MMP20: variants seen among roughly 807,000 people sequenced by gnomAD.
MMP20 encodes the protein matrix metallopeptidase 20, also known as matrix metalloproteinase-20.
In MMP20, 50 loss-of-function variants were observed where a neutral mutation model predicts 51.8. The observed-to-expected ratio is 0.97, with a 90% confidence interval of 0.77 to 1.22. The LOEUF is 1.22. Among genes scored for constraint, MMP20 ranks in the 50% most tolerant of loss-of-function variants. The pLI is 0.00. For missense variants in MMP20, 663 were observed against 601.4 expected (o/e 1.10, Z -1.07); for synonymous variants, 244 against 216.2 (o/e 1.13, Z -1.13).
At chr11:102,614,264 A>G (rs1859639159) in intron 2 of MMP20, among the ~76,000 whole-genome samples, 1 of 152,138 alleles carries the variant, frequency 6.6e-6, no homozygotes, top group Non-Finnish European at 1.5e-5. Flanking sequence ...CCTCTGGGTT[A>G]TGTTGTAAGA....
chr11:102,594,205 G>T (rs371032064), intron 7 of MMP20, among the ~76,000 whole-genome samples: 1 of 152,182 alleles, frequency 6.6e-6, no homozygotes, highest in Admixed American at 6.5e-5. Context: ...AGTCAAAGGC[G>T]TCCTCCTCTC....
At chr11:102,598,057 T>G (rs565911324) in intron 6 of MMP20, among the ~76,000 whole-genome samples, 1 of 152,028 alleles carries the variant, frequency 6.6e-6, no homozygotes, top group Non-Finnish European at 1.5e-5. Flanking sequence ...GTAGACACCA[T>G]GCCTGGCCAA....
intron 6 of MMP20, among the ~76,000 whole-genome samples, chr11:102,602,197 T>C (rs1859457170): frequency 6.9e-6 from 1 of 145,538 alleles, no homozygotes; most frequent in Non-Finnish European, 1.5e-5. Flanking sequence ...CTCCATCTCC[T>C]GACCTTGTGA....
At chr11:102,620,896 G>T (rs1265358012) in intron 1 of MMP20, among the ~76,000 whole-genome samples, 2 of 152,208 alleles carry the variant, frequency 1.3e-5, no homozygotes, top group Admixed American at 1.3e-4. Context: ...AATCCTCAGG[G>T]AGGGGGTGAG....
intron 2 of MMP20, among the ~76,000 whole-genome samples, chr11:102,612,674 T>C (rs898754938): frequency 1.3e-5 from 2 of 151,868 alleles, no homozygotes; most frequent in Non-Finnish European, 2.9e-5. Flanking sequence ...CCCAGGGCTA[T>C]TGGGGAAGGT....
intron 3 of MMP20, 24 bp downstream of exon 3, chr11:102,611,731 G>A (rs773337932): frequency 8.1e-6 from 13 of 1,611,644 alleles, no homozygotes; most frequent in Non-Finnish European, 1.1e-5. Flanking sequence ...TGAATTAGTA[G>A]ATGGAATCCA....
chr11:102,594,782 A>G (rs750534566), intron 6 of MMP20, 25 bp from the exon 7 acceptor site: 22 of 1,610,972 alleles, frequency 1.4e-5, no homozygotes, highest in East Asian at 4.5e-5. Context: ...AAAAAAAAAA[A>G]AAAAAAAAAT....
chr11:102,591,989 C>T (rs1859322738), intron 8 of MMP20, among the ~76,000 whole-genome samples: 1 of 152,176 alleles, frequency 6.6e-6, no homozygotes. Flanking sequence ...TTGAGAATCA[C>T]ACTGTGAATA....
intron 8 of MMP20, among the ~76,000 whole-genome samples, chr11:102,588,768 C>G (rs745935286): frequency 1.3e-5 from 2 of 151,606 alleles, no homozygotes; most frequent in Non-Finnish European, 2.9e-5. Context: ...TATCTCTGGT[C>G]AGGCAATCTG....
At chr11:102,596,677 G>A (rs563066341) in intron 6 of MMP20, among the ~76,000 whole-genome samples, 1 of 152,308 alleles carries the variant, frequency 6.6e-6, no homozygotes, top group Admixed American at 6.5e-5. Context: ...CTGGCCCAAA[G>A]GTCACTGGTG....
Position 102,608,812 on chromosome 11 carries a change from G to T in MMP20, c.811+125C>A. On this transcript the variant is annotated intron_variant, in intron 5 of 9. Coordinates refer to ENST00000260228, the MANE Select transcript of MMP20 (RefSeq NM_004771.4). ...TAGCAAATCAGCTCTTCACAAGAAGGCATAGTTGGGGTTATGGTTTCTAGA... is the reference window on the plus strand; with the variant it reads ...TAGCAAATCAGCTCTTCACAAGAAGTCATAGTTGGGGTTATGGTTTCTAGA... 3 of 1,004,396 alleles carry T rather than the reference G, an allele frequency of 3.0e-6. No individual in the cohort carries two copies. The Admixed American group carries it at 5.2e-5, about 17-fold the overall frequency. The allele number at this position is 1,004,396 out of a possible 1,614,324, so 62.2% of individuals were successfully genotyped here.
Position 102,625,273 on chromosome 11 carries a change from G to A in MMP20, c.47C>T (p.Ala16Val). Residue 16 changes from alanine to valine, a missense_variant, in exon 1 of 10, where the codon GCT (alanine) becomes GTT (valine). By Grantham distance (64) the Ala-to-Val change is moderately conservative (BLOSUM62 0). Coordinates refer to ENST00000260228, the MANE Select transcript of MMP20 (RefSeq NM_004771.4). ...ASGLAVFLIMALKFSTAAPSL... is the reference protein window; with the variant it reads ...ASGLAVFLIMVLKFSTAAPSL... ...GGGGGCTGCAGTGGAAAACTTCAAA[G>A]CCATGATGAGGAAGACAGCAAGGCC... 1.2e-6 allele frequency: 2 copies of A among 1,613,840 alleles called. No homozygotes were observed. The highest frequency in any genetic ancestry group is 1.7e-6 in the Non-Finnish European group (2 of 1,179,858).
At chr11:102,598,284 A>T (rs1175408328) in intron 6 of MMP20, among the ~76,000 whole-genome samples, 1 of 152,236 alleles carries the variant, frequency 6.6e-6, no homozygotes, top group Non-Finnish European at 1.5e-5. Context: ...ATAAACAAAA[A>T]AATCTATAAG....
intron 8 of MMP20, 100 bp from the exon 9 acceptor site, chr11:102,579,242 G>A: frequency 2.7e-6 from 2 of 736,566 alleles, no homozygotes; most frequent in Non-Finnish European, 2.4e-6. Flanking sequence ...AACTTATTTA[G>A]GTGTTCCTCT....
rs140810186 is a variant in MMP20, at chr11:102,600,514, C to T, written c.954-5757G>A. On this transcript the variant is annotated intron_variant, in intron 6 of 9. Coordinates refer to ENST00000260228, the MANE Select transcript of MMP20 (RefSeq NM_004771.4). ...ATTTATTTATTTTAAGATAGGGTCT[C>T]GCTCTGTCACCCAGGCTGGAGTGCA... Among the ~76,000 whole-genome samples, 155 of 152,204 alleles carry T rather than the reference C, an allele frequency of 1.0e-3. 1 individual carries two copies. In the East Asian group the frequency reaches 0.024, roughly 24 times the overall value.
chr11:102,593,022 G>A (rs1859335279), intron 8 of MMP20, among the ~76,000 whole-genome samples: 1 of 152,158 alleles, frequency 6.6e-6, no homozygotes, highest in Non-Finnish European at 1.5e-5. Context: ...ATCCTTCAAA[G>A]AGACCCATGG....
At chr11:102,607,499 G>A (rs541900618) in intron 5 of MMP20, 1 of 152,690 alleles carries the variant, frequency 6.5e-6, no homozygotes, top group Non-Finnish European at 1.5e-5. Context: ...AAAGGTTCAG[G>A]CCTCTGATAA....
rs143929328 is a variant in MMP20, at chr11:102,598,494, T to C, written c.954-3737A>G. Among the ~76,000 whole-genome samples the C allele has an allele frequency of 2.6e-5, 4 of 152,378 alleles. No homozygotes were observed. In the East Asian group the frequency reaches 7.7e-4, roughly 29 times the overall value. On this transcript the variant is annotated intron_variant, in intron 6 of 9. Coordinates refer to ENST00000260228, the MANE Select transcript of MMP20 (RefSeq NM_004771.4). ...TGCTATGCTGGCACATAGTCAGGGT[T>C]CAATACACATTTGTTGGCTAAATGA...
chr11:102,584,550 A>G (rs1859232576), intron 8 of MMP20, among the ~76,000 whole-genome samples: 1 of 152,172 alleles, frequency 6.6e-6, no homozygotes, highest in South Asian at 2.1e-4. Context: ...ATGACTTACA[A>G]ACATTTCTTC....
Sources: allele counts gnomAD v4.1 joint callset (sites outside exome capture counted in the v4.1 genomes callset), GRCh38; gene constraint gnomAD v4.1.1; transcripts MANE v1.5; gene names NCBI Gene and HGNC (gene_info 2026-07-23, HGNC 2026-07-21).